The following NOX4 variants were observed in gnomAD, a reference collection of about 807,000 sequenced individuals.
NOX4 encodes NADPH oxidase 4.
Under a neutral mutation model 87.6 loss-of-function variants are expected in NOX4, and 69 were observed. The observed-to-expected ratio is 0.79, with a 90% CI of 0.65 to 0.96. NOX4 has a LOEUF of 0.96. Ranked by LOEUF, NOX4 falls within the 40% of genes least tolerant of loss-of-function variation. NOX4 has a pLI of 0.00. For missense variants in NOX4, 680 were observed against 681.5 expected, an observed-to-expected ratio of 1.00 and a Z score of 0.02; for synonymous variants, 275 against 238.2, an observed-to-expected ratio of 1.15 and a Z score of -1.42.
At chr11:89,451,679 A>C (rs1855229504) in intron 3 of NOX4, 106 bp downstream of exon 3, 2 of 736,068 alleles carry the variant, frequency 2.7e-6, no homozygotes, top group Admixed American at 4.2e-5. Context: ...TCTTACAAGA[A>C]ATCACTCCAG....
chr11:89,537,875 C>T, the NOX4 span, among the ~76,000 whole-genome samples: 2 of 152,136 alleles, frequency 1.3e-5, no homozygotes, highest in South Asian at 2.1e-4. Flanking sequence ...TTTTTCATCT[C>T]CAGCTCTAAC....
chr11:89,355,182 C>T, intron 12 of NOX4, 139 bp from the exon 13 acceptor site: 1 of 583,692 alleles, frequency 1.7e-6, no homozygotes, highest in Non-Finnish European at 3.1e-6. Flanking sequence ...ATTTACCCAC[C>T]ATTTTATGTA....
intron 12 of NOX4, among the ~76,000 whole-genome samples, chr11:89,367,051 C>T (rs1472247894): frequency 6.6e-6 from 1 of 151,952 alleles, no homozygotes; most frequent in Non-Finnish European, 1.5e-5. Flanking sequence ...GAATTTATGC[C>T]CAGTTCACAT....
chr11:89,451,263 T>C (rs1464991755), intron 3 of NOX4, among the ~76,000 whole-genome samples: 3 of 152,152 alleles, frequency 2.0e-5, no homozygotes, highest in African/African-American at 7.2e-5. Flanking sequence ...AATGAGTATA[T>C]GTGTTAAGCA....
At chr11:89,426,068 TG>T (rs1943384289) in intron 7 of NOX4, among the ~76,000 whole-genome samples, 1 of 152,192 alleles carries the variant, frequency 6.6e-6, no homozygotes, top group Admixed American at 6.5e-5. Context: ...CCTGATAATG[TG>T]TATCTGATTT....
intron 17 of NOX4, among the ~76,000 whole-genome samples, chr11:89,330,084 T>C (rs1410179298): frequency 6.6e-6 from 1 of 152,066 alleles, no homozygotes; most frequent in Non-Finnish European, 1.5e-5. Context: ...GTAAGATGAA[T>C]GCAAAAATAG....
intron 2 of NOX4, among the ~76,000 whole-genome samples, chr11:89,483,691 A>G (rs538181495): frequency 6.6e-6 from 1 of 152,216 alleles, no homozygotes; most frequent in East Asian, 1.9e-4. Context: ...TCTATTGTAC[A>G]ACATGGTGAC....
chr11:89,439,896 G>T (rs1565295818), intron 6 of NOX4, among the ~76,000 whole-genome samples: 1 of 152,054 alleles, frequency 6.6e-6, no homozygotes, highest in Non-Finnish European at 1.5e-5. Context: ...TTATTTTAAT[G>T]ACTGTTTCTC....
intron 4 of NOX4, 32 bp from the exon 5 acceptor site, chr11:89,444,264 G>T: frequency 3.8e-6 from 6 of 1,568,808 alleles, no homozygotes; most frequent in Non-Finnish European, 5.3e-6. Flanking sequence ...AAGTTAGTGG[G>T]ATTTGCATAT....
At chr11:89,523,082 TG>T in the NOX4 span, among the ~76,000 whole-genome samples, 1 of 152,118 alleles carries the variant, frequency 6.6e-6, no homozygotes, top group Non-Finnish European at 1.5e-5. Context: ...TGAAATGCAG[TG>T]GCGCGATTTT....
chr11:89,417,751 T>C (rs549329042), intron 8 of NOX4, among the ~76,000 whole-genome samples: 4 of 152,248 alleles, frequency 2.6e-5, no homozygotes, highest in African/African-American at 9.6e-5. Flanking sequence ...GTATAATTTG[T>C]TCTTACTAAC....
At chr11:89,347,349 C>G (rs578241368) in intron 13 of NOX4, among the ~76,000 whole-genome samples, 1 of 152,282 alleles carries the variant, frequency 6.6e-6, no homozygotes, top group Admixed American at 6.5e-5. Flanking sequence ...GAGCCTTTCC[C>G]CCTGCCCTGA....
chr11:89,452,912 A>C (rs1258123908), intron 2 of NOX4, among the ~76,000 whole-genome samples: 1 of 151,976 alleles, frequency 6.6e-6, no homozygotes, highest in Non-Finnish European at 1.5e-5. Context: ...GGCATGGTGT[A>C]ATGCACCCGC....
chr11:89,415,571 C>T (rs1185867983), intron 8 of NOX4, among the ~76,000 whole-genome samples: 1 of 152,050 alleles, frequency 6.6e-6, no homozygotes, highest in Non-Finnish European at 1.5e-5. Flanking sequence ...CAAAAATATA[C>T]ATATGTGTCT....
intron 11 of NOX4, among the ~76,000 whole-genome samples, chr11:89,389,176 A>C (rs1037392957): frequency 6.6e-6 from 1 of 152,160 alleles, no homozygotes; most frequent in African/African-American, 2.4e-5. Context: ...AGCAAGAAAC[A>C]ATCACAATTT....
At chr11:89,407,860 A>T (rs183550596) in intron 8 of NOX4, among the ~76,000 whole-genome samples, 29 of 152,190 alleles carry the variant, frequency 1.9e-4, no homozygotes, top group African/African-American at 6.0e-4. Flanking sequence ...CATGTTAAAA[A>T]TATCCCACAA....
chr11:89,391,753 A>AG (rs1431004679), intron 11 of NOX4, among the ~76,000 whole-genome samples: 1,799 of 150,582 alleles, frequency 0.012, 42 homozygotes, highest in African/African-American at 0.041. Flanking sequence ...AAAAAAAAAA[A>AG]AAAGAAAGAA....
intron 8 of NOX4, among the ~76,000 whole-genome samples, 155 bp from the exon 9 acceptor site, chr11:89,402,697 A>G (rs979099452): frequency 6.6e-6 from 1 of 152,142 alleles, no homozygotes; most frequent in Non-Finnish European, 1.5e-5. Flanking sequence ...TGTTTAGGAG[A>G]AATTGAAAAA....
At chr11:89,404,230 A>G (rs1389860676) in intron 8 of NOX4, among the ~76,000 whole-genome samples, 1 of 152,152 alleles carries the variant, frequency 6.6e-6, no homozygotes, top group Non-Finnish European at 1.5e-5. Flanking sequence ...TACATTAATA[A>G]TTTACCCAAA....
Sources: gnomAD v4.1 joint callset for allele counts (sites outside exome capture counted in the v4.1 genomes callset) on GRCh38, gnomAD v4.1.1 for gene constraint, MANE v1.5 for transcripts, NCBI Gene and HGNC (gene_info 2026-07-23, HGNC 2026-07-21) for gene names.